IGF2BP1: variants seen among roughly 807,000 people sequenced by gnomAD.
IGF2BP1 encodes insulin-like growth factor 2 mRNA-binding protein 1.
A neutral mutation model predicts 74.9 loss-of-function variants in IGF2BP1; 11 were observed. The ratio of observed to expected loss-of-function variants is 0.15; its 90% confidence interval spans 0.09 to 0.24. The LOEUF is 0.24. IGF2BP1 is among the 10% of genes least tolerant of loss of function. IGF2BP1 has a pLI of 1.00. For synonymous variants in IGF2BP1, 287 were observed against 281.8 expected, an observed-to-expected ratio of 1.02 and a Z score of -0.18; for missense variants, 440 against 757.4, an observed-to-expected ratio of 0.58 and a Z score of 4.92.
rs756281992 is a variant in IGF2BP1 at position 49,010,478 on chromosome 17, C to T, written c.236+11309C>T. 4.9e-4 allele frequency among the ~76,000 whole-genome samples: 75 copies of T among 151,916 alleles called. 3 individuals are homozygous for T. In the Middle Eastern group the frequency reaches 0.017, roughly 34 times the overall value. On this transcript the variant is annotated intron_variant, in intron 2 of 14. Transcript: ENST00000290341. ...GACTACAGGCGCCCGCCACCACGCCCGGCTACTTTTTGTATTTTTAGTAGA... is the reference window on the plus strand; with the variant it reads ...GACTACAGGCGCCCGCCACCACGCCTGGCTACTTTTTGTATTTTTAGTAGA...
intron 2 of IGF2BP1, among the ~76,000 whole-genome samples, chr17:49,000,824 T>C (rs1310038309): frequency 6.6e-6 from 1 of 152,156 alleles, no homozygotes; most frequent in Non-Finnish European, 1.5e-5. Context: ...TGAATCTTTT[T>C]CCCCAAGCCA....
In IGF2BP1 at chr17:49,049,499, T is replaced by C. The variant is rs1006101790; in HGVS notation, c.*55T>C. The C allele has an allele frequency of 1.0e-5, 15 of 1,475,788 alleles. No homozygotes were observed. Among genetic ancestry groups the C allele is most frequent in the African/African-American group, 5.5e-5 (4 of 72,090 alleles). 91.4% of individuals were successfully genotyped at this position (1,475,788 alleles called of 1,614,324 possible). ...GACAACAACGGGCAGAAATCGAGAG[T>C]GTGCTCTCCCCGGCAGGCCTGAGAA... On this transcript the variant is annotated 3_prime_UTR_variant, in exon 15 of 15. Transcript: ENST00000290341.
chr17:49,026,671 T>TCTTTCCTG, intron 4 of IGF2BP1, among the ~76,000 whole-genome samples, 154 bp downstream of exon 4: 1 of 134,368 alleles, frequency 7.4e-6, no homozygotes, highest in East Asian at 2.0e-4. Flanking sequence ...CTTCCTGCCT[T>TCTTTCCTG]CCTTCCTGCC....
At chr17:49,045,577 A>G (rs543764935) in intron 12 of IGF2BP1, among the ~76,000 whole-genome samples, 13 of 152,338 alleles carry the variant, frequency 8.5e-5, no homozygotes, top group Admixed American at 4.6e-4. Flanking sequence ...TGCCACGTCC[A>G]GATTCCATAG....
At chr17:49,019,292 C>T (rs2041745950) in intron 2 of IGF2BP1, among the ~76,000 whole-genome samples, 1 of 152,126 alleles carries the variant, frequency 6.6e-6, no homozygotes, top group African/African-American at 2.4e-5. Context: ...GCTCCTTCCT[C>T]CCTTGGAGCC....
At chr17:49,021,601 G>T (rs1000872829) in intron 2 of IGF2BP1, among the ~76,000 whole-genome samples, 3 of 152,216 alleles carry the variant, frequency 2.0e-5, no homozygotes, top group African/African-American at 7.2e-5. Context: ...CAGCATGTTG[G>T]CACCCAGAAA....
At chr17:49,030,428 C>T (rs2041909321) in intron 4 of IGF2BP1, among the ~76,000 whole-genome samples, 1 of 152,106 alleles carries the variant, frequency 6.6e-6, no homozygotes, top group African/African-American at 2.4e-5. Context: ...AGGCGTGAGC[C>T]ACTGTGCCCG....
intron 2 of IGF2BP1, among the ~76,000 whole-genome samples, chr17:48,999,961 T>TGTGTGTGTTC (rs1046137709): frequency 4.0e-5 from 6 of 149,988 alleles, no homozygotes; most frequent in African/African-American, 1.2e-4. Flanking sequence ...TGTGTGTGTG[T>TGTGTGTGTTC]GTTCGTGTGT....
chr17:49,027,274 G>T (rs546419065), intron 4 of IGF2BP1, among the ~76,000 whole-genome samples: 14 of 152,242 alleles, frequency 9.2e-5, no homozygotes, highest in African/African-American at 3.4e-4. Context: ...AGGTAGAAAT[G>T]GCTATCCCAG....
intron 7 of IGF2BP1, among the ~76,000 whole-genome samples, chr17:49,040,382 G>GT (rs1374328221): frequency 1.3e-5 from 2 of 152,132 alleles, no homozygotes; most frequent in African/African-American, 2.4e-5. Context: ...CGCCTGCCTA[G>GT]TTTTTTGTGA....
chr17:49,011,912 T>TTG, intron 2 of IGF2BP1, among the ~76,000 whole-genome samples: 1 of 150,760 alleles, frequency 6.6e-6, no homozygotes, highest in African/African-American at 2.4e-5. Context: ...TGATTTTTTT[T>TTG]TTTTTTTTTT....
intron 2 of IGF2BP1, 147 bp downstream of exon 2, chr17:48,999,316 A>C: frequency 1.6e-6 from 1 of 614,284 alleles, no homozygotes. Flanking sequence ...GCAGGGAGGG[A>C]AGATTGGCCA....
intron 2 of IGF2BP1, among the ~76,000 whole-genome samples, chr17:49,016,307 C>T (rs2143997952): frequency 6.6e-6 from 1 of 152,336 alleles, no homozygotes; most frequent in South Asian, 2.1e-4. Flanking sequence ...TCCTCTCAGG[C>T]TTCAGAGGCT....
In IGF2BP1 at chr17:49,031,989, A is replaced by G. The variant is rs770374849; in HGVS notation, c.401+16A>G. 16 of 1,080,752 alleles carry G rather than the reference A, an allele frequency of 1.5e-5. No individual in the cohort carries two copies. Among genetic ancestry groups the G allele is most frequent in the Non-Finnish European group, 2.2e-5 (16 of 726,818 alleles). The allele number at this position is 1,080,752 out of a possible 1,614,324, so 66.9% of individuals were successfully genotyped here. On this transcript the variant is annotated intron_variant, in intron 5 of 14. Coordinates refer to ENST00000290341, the MANE Select transcript of IGF2BP1 (RefSeq NM_006546.4). ...AGACCAGGCAGTGAGTGGGCTGGGAAGTGGGGCTGGGTGCGGTGGGGGGGG... is the reference window on the plus strand; with the variant it reads ...AGACCAGGCAGTGAGTGGGCTGGGAGGTGGGGCTGGGTGCGGTGGGGGGGG...
intron 2 of IGF2BP1, among the ~76,000 whole-genome samples, chr17:49,008,193 A>G (rs548756448): frequency 7.9e-5 from 12 of 151,888 alleles, no homozygotes; most frequent in African/African-American, 2.7e-4. Context: ...AAAAAAGTAA[A>G]TAAATTGAAG....
intron 6 of IGF2BP1, 83 bp downstream of exon 6, chr17:49,038,532 GGA>G (rs2042013778): frequency 2.3e-6 from 3 of 1,313,950 alleles, no homozygotes; most frequent in Non-Finnish European, 3.0e-6. Flanking sequence ...GAAGCATGCT[GGA>G]GACATCAACA....
At chr17:49,048,971 T>C (rs1300567029) in intron 14 of IGF2BP1, among the ~76,000 whole-genome samples, 1 of 149,020 alleles carries the variant, frequency 6.7e-6, no homozygotes, top group Non-Finnish European at 1.5e-5. Context: ...TGGGGACCAC[T>C]GCTCTGCAAT....
chr17:49,025,752 T>TTGGGGAGGTCTGGGGCCAGGC, intron 3 of IGF2BP1, 86 bp downstream of exon 3: 1 of 1,277,104 alleles, frequency 7.8e-7, no homozygotes, highest in South Asian at 1.3e-5. Flanking sequence ...CCAGAAATGA[T>TTGGGGAGGTCTGGGGCCAGGC]TGGGGAGGTC....
intron 2 of IGF2BP1, among the ~76,000 whole-genome samples, chr17:49,016,800 C>G (rs553365816): frequency 7.9e-6 from 1 of 127,010 alleles, no homozygotes; most frequent in Non-Finnish European, 1.7e-5. Flanking sequence ...CCCGCCCGCC[C>G]GCCCCCCTGT....
Sources: gnomAD v4.1 joint callset for allele counts (sites outside exome capture counted in the v4.1 genomes callset) on GRCh38, gnomAD v4.1.1 for gene constraint, MANE v1.5 for transcripts, NCBI Gene and HGNC (gene_info 2026-07-23, HGNC 2026-07-21) for gene names.